Variants in ZNF254 observed in about 807,000 individuals in gnomAD.
ZNF254 encodes the protein zinc finger protein 254.
Under a neutral mutation model 12.4 loss-of-function variants are expected in ZNF254, and 10 were observed. The ratio of observed to expected loss-of-function variants is 0.80; its 90% CI spans 0.50 to 1.36. The LOEUF (loss-of-function observed/expected upper bound fraction) is 1.36. ZNF254 is among the 40% of genes most tolerant of loss of function. The probability of loss-of-function intolerance (pLI) is 0.00; values close to 1 mark genes in which losing one functional copy is unlikely to be tolerated. For synonymous variants in ZNF254, 305 were observed against 253.4 expected, an observed-to-expected ratio of 1.20 and a Z score of -1.93; for missense variants, 996 against 763.9, an observed-to-expected ratio of 1.30 and a Z score of -3.58.
Position 24,057,501 on chromosome 19 carries a change from G to A in ZNF254, c.-94+11222G>A, listed in dbSNP as rs1025875756. ...GTCACAAAAGATTGCGACTCTCATG[G>A]GAACCTTATAAATTCCTCGGTTGGT... On this transcript the variant is annotated intron_variant, in intron 2 of 4. Transcript: ENST00000613065. Among the ~76,000 whole-genome samples the A allele has an allele frequency of 2.6e-5, 4 of 152,176 alleles. No homozygotes were observed. In the East Asian group the frequency reaches 7.7e-4, roughly 29 times the overall value.
chr19:24,123,942 G>T (rs1180018343), intron 3 of ZNF254, among the ~76,000 whole-genome samples: 1 of 151,706 alleles, frequency 6.6e-6, no homozygotes, highest in Admixed American at 6.6e-5. Flanking sequence ...ACTATTTATT[G>T]AAAATATGTC....
rs1397295663 is a variant in ZNF254 at position 24,129,016 on chromosome 19, TATG to T, written c.*1038_*1040del. On this transcript the variant is annotated 3_prime_UTR_variant, in exon 4 of 4. Coordinates refer to ENST00000357002, the MANE Select transcript of ZNF254 (RefSeq NM_203282.4). ...TGACTAATTGTTGCTGCATAAAAGA[TATG>T]AGATTCTTTTTTATTAGGCATTATT... 5 of 152,022 alleles carry T rather than the reference TATG, an allele frequency of 3.3e-5. No homozygotes were observed. The highest frequency in any genetic ancestry group is 7.4e-5 in the Non-Finnish European group (5 of 67,910). 9.4% of individuals were successfully genotyped at this position (152,022 alleles called of 1,614,324 possible).
Position 24,126,495 on chromosome 19 carries a change from A to G in ZNF254, c.495A>G (p.Lys165=), listed in dbSNP as rs770989136. 2.5e-6 allele frequency: 4 copies of G among 1,587,686 alleles called. No individual in the cohort carries two copies. The highest frequency in any genetic ancestry group is 1.4e-5 in the African/African-American group (1 of 73,106). The part of the protein sequence containing the change: ...QCDKYLKVFY[K]FLNSNRPKIR... ...ATAAATATTTGAAAGTCTTCTATAA[A>G]TTTTTAAATTCAAACAGACCTAAGA... The change falls in exon 4 of 4, where the codon AAA becomes AAG. Residue 165 remains lysine, a synonymous_variant. Coordinates refer to ENST00000357002, the MANE Select transcript of ZNF254 (RefSeq NM_203282.4).
At chr19:24,113,062 C>G (rs1337588395) in intron 3 of ZNF254, among the ~76,000 whole-genome samples, 1 of 152,112 alleles carries the variant, frequency 6.6e-6, no homozygotes, top group Non-Finnish European at 1.5e-5. Flanking sequence ...GAAAAAGAGT[C>G]CTGGATCAGA....
chr19:24,120,641 A>AT lies in ZNF254; in HGVS notation c.254-5609dup, dbSNP rs559575362. On this transcript the variant is annotated intron_variant, in intron 3 of 3. Transcript: ENST00000357002. ...TTTTATTTTTAAATAAAATTGACTC[A>AT]TTTTAGCATTTCTTTGTTGTTGTTG... 1.9e-3 allele frequency among the ~76,000 whole-genome samples: 290 copies of AT among 151,654 alleles called. 1 individual carries two copies. Among genetic ancestry groups the AT allele is most frequent in the African/African-American group, 6.3e-3 (261 of 41,176 alleles).
At chr19:24,040,456 G>C (rs1970114493) in intron 1 of ZNF254, among the ~76,000 whole-genome samples, 1 of 152,152 alleles carries the variant, frequency 6.6e-6, no homozygotes, top group Non-Finnish European at 1.5e-5. Context: ...TCATGAGAAA[G>C]TAAATAGAAA....
At position 24,127,685 on chromosome 19, in the gene ZNF254, C is replaced by G. The variant is rs550574214; in HGVS notation, c.1685C>G (p.Thr562Ser). The change falls in exon 4 of 4, where the codon ACT becomes AGT. Residue 562 changes from threonine (T) to serine (S), a missense_variant. Coordinates refer to ENST00000357002, the MANE Select transcript of ZNF254 (RefSeq NM_203282.4). ...GKAFKQSSIL[T>S]NHKRIHTGEK... Reference sequence around the variant, plus strand: ...GCCTTTAAGCAGTCTTCAATCCTTACTAACCATAAGAGAATTCATACTGGA... The same window carrying G: ...GCCTTTAAGCAGTCTTCAATCCTTAGTAACCATAAGAGAATTCATACTGGA... 4.0e-5 allele frequency: 64 copies of G among 1,613,314 alleles called. No individual in the cohort carries two copies. Among genetic ancestry groups the G allele is most frequent in the Non-Finnish European group, 4.9e-5 (58 of 1,179,746 alleles).
intron 1 of ZNF254, chr19:24,098,559 A>G (rs986877450): frequency 3.9e-5 from 6 of 152,196 alleles, no homozygotes; most frequent in African/African-American, 1.2e-4. Context: ...CATAGTACTC[A>G]TGTTACTCAT....
chr19:24,052,272 G>A (rs1440357414), intron 2 of ZNF254, among the ~76,000 whole-genome samples: 1 of 152,228 alleles, frequency 6.6e-6, no homozygotes, highest in African/African-American at 2.4e-5. Context: ...CAACTTTATG[G>A]CAGGGGAACC....
intron 2 of ZNF254, among the ~76,000 whole-genome samples, chr19:24,055,531 C>T (rs575552039): frequency 1.4e-4 from 22 of 152,080 alleles, no homozygotes; most frequent in Non-Finnish European, 2.8e-4. Flanking sequence ...CCTGCATCAG[C>T]CTCCCAAAGT....
chr19:24,047,229 C>T (rs944558302), intron 2 of ZNF254, among the ~76,000 whole-genome samples: 1 of 151,414 alleles, frequency 6.6e-6, no homozygotes, highest in East Asian at 1.9e-4. Context: ...TGTGTCTTTC[C>T]CTCTGTTTCT....
At chr19:24,116,765 A>T (rs925080752) in intron 3 of ZNF254, among the ~76,000 whole-genome samples, 1 of 152,106 alleles carries the variant, frequency 6.6e-6, no homozygotes, top group Non-Finnish European at 1.5e-5. Flanking sequence ...GGAGGAAGAG[A>T]GGTGCTCTGC....
rs1441096103 is a variant in ZNF254 at position 24,126,905 on chromosome 19, C to T, written c.905C>T (p.Ala302Val). ...TACAAGTGTGAAGAATGTGGCAAAG[C>T]ATTTATCTGGTCCTCAACCCTTACT... ...KPYKCEECGK[A>V]FIWSSTLTEH... The change falls in exon 4 of 4, where the codon GCA becomes GTA. Residue 302 changes from alanine to valine, a missense_variant. Coordinates refer to ENST00000357002, the MANE Select transcript of ZNF254 (RefSeq NM_203282.4). The T allele has an allele frequency of 6.2e-7, 1 of 1,613,488 alleles. No individual in the cohort carries two copies. The highest frequency in any genetic ancestry group is 1.1e-5 in the South Asian group (1 of 91,066).
chr19:24,120,427 TTTA>T (rs1271345041), intron 3 of ZNF254, among the ~76,000 whole-genome samples: 3 of 152,118 alleles, frequency 2.0e-5, no homozygotes. Flanking sequence ...TATTTTTCAG[TTTA>T]TTAATATAAA....
chr19:24,078,908 C>T (rs1017055286), intron 2 of ZNF254: 2 of 152,128 alleles, frequency 1.3e-5, no homozygotes. Context: ...TCAGGGCTGT[C>T]TACAACAAAA....
chr19:24,118,438 C>T (rs574635146), intron 3 of ZNF254, among the ~76,000 whole-genome samples: 9 of 152,046 alleles, frequency 5.9e-5, no homozygotes, highest in African/African-American at 1.7e-4. Context: ...TTTTCTTTTT[C>T]GTTGTGATTT....
At chr19:24,051,756 CCTCTT>C (rs79455623) in intron 2 of ZNF254, among the ~76,000 whole-genome samples, 24,159 of 152,042 alleles carry the variant, frequency 0.16, 2,067 homozygotes, top group Middle Eastern at 0.23. Flanking sequence ...ATGCGACACT[CCTCTT>C]CTACCTGGGA....
At chr19:24,088,716 G>T (rs1413192070) in intron 1 of ZNF254, among the ~76,000 whole-genome samples, 1 of 151,930 alleles carries the variant, frequency 6.6e-6, no homozygotes, top group Non-Finnish European at 1.5e-5. Flanking sequence ...TGGTGCAGTG[G>T]TGTGATTTAG....
chr19:24,090,943 A>ATTTTTTTTT (rs869068959), intron 1 of ZNF254, among the ~76,000 whole-genome samples: 6 of 89,630 alleles, frequency 6.7e-5, no homozygotes, highest in Non-Finnish European at 6.3e-5. Flanking sequence ...TGGAGGAGTG[A>ATTTTTTTTT]TTTTTTTTTT....
Sources: gnomAD v4.1 joint callset for allele counts (sites outside exome capture counted in the v4.1 genomes callset) on GRCh38, gnomAD v4.1.1 for gene constraint, MANE v1.5 for transcripts, NCBI Gene and HGNC (gene_info 2026-07-23, HGNC 2026-07-21) for gene names.